Variants in ASAP1 observed in about 807,000 individuals in gnomAD.
The protein encoded by ASAP1 is arf-GAP with SH3 domain, ANK repeat and PH domain-containing protein 1.
In ASAP1, 43 loss-of-function variants were observed where a neutral mutation model predicts 145.2. The observed-to-expected ratio is 0.30, with a 90% CI of 0.23 to 0.38. The LOEUF (loss-of-function observed/expected upper bound fraction) is 0.38, where lower values mean the gene tolerates loss of function less well. ASAP1 is among the 10% of genes least tolerant of loss of function. ASAP1 has a pLI of 1.00. For synonymous variants in ASAP1, 546 were observed against 515.5 expected (o/e 1.06, Z -0.80); for missense variants, 1,018 against 1,355.3 (o/e 0.75, Z 3.91).
intron 3 of ASAP1, among the ~76,000 whole-genome samples, chr8:130,275,862 G>A (rs2670885): frequency 0.31 from 47,492 of 151,994 alleles, 7,533 homozygotes; most frequent in African/African-American, 0.33. Context: ...CATTCCTCAC[G>A]GAGAACAACA....
chr8:130,261,683 C>T (rs1819907748), intron 3 of ASAP1, among the ~76,000 whole-genome samples: 1 of 152,092 alleles, frequency 6.6e-6, no homozygotes, highest in South Asian at 2.1e-4. Flanking sequence ...ATATAGTCAA[C>T]AGAGAGTAAG....
At position 130,408,299 on chromosome 8, in the gene ASAP1, A is replaced by T. The variant is rs944925477; in HGVS notation, c.-27-6329T>A. On this transcript the variant is annotated intron_variant, in intron 1 of 29. Coordinates refer to ENST00000518721, the MANE Select transcript of ASAP1 (RefSeq NM_018482.4). ...AAGAGATTAGCCTTTGAATCAGGAG[A>T]CTGAGTAAGGAAGAGTACCCTTCCC... Among the ~76,000 whole-genome samples the T allele has an allele frequency of 2.6e-5, 4 of 152,210 alleles. No individual in the cohort carries two copies. In the East Asian group the frequency reaches 7.7e-4, roughly 29 times the overall value.
At chr8:130,374,130 C>T (rs1827365147) in intron 2 of ASAP1, among the ~76,000 whole-genome samples, 1 of 148,608 alleles carries the variant, frequency 6.7e-6, no homozygotes. Context: ...CTACTATTTA[C>T]AGATTGCATG....
chr8:130,243,762 T>C (rs1176852867), intron 3 of ASAP1, among the ~76,000 whole-genome samples: 2 of 152,176 alleles, frequency 1.3e-5, no homozygotes, highest in African/African-American at 2.4e-5. Context: ...TCAGGTCAAA[T>C]GCCATCTCAC....
intron 3 of ASAP1, among the ~76,000 whole-genome samples, chr8:130,281,721 C>T (rs1397035592): frequency 1.3e-5 from 2 of 152,214 alleles, no homozygotes; most frequent in Non-Finnish European, 2.9e-5. Flanking sequence ...CTCTAAGAAA[C>T]TCTGCATCTT....
chr8:130,391,471 T>C (rs34721219), intron 2 of ASAP1, among the ~76,000 whole-genome samples: 9,513 of 152,322 alleles, frequency 0.062, 297 homozygotes, highest in Middle Eastern at 0.12. Flanking sequence ...ATTAAAATAT[T>C]TTAAAATAAA....
intron 23 of ASAP1, among the ~76,000 whole-genome samples, chr8:130,114,190 G>C (rs2097551107): frequency 6.6e-6 from 1 of 152,152 alleles, no homozygotes; most frequent in Non-Finnish European, 1.5e-5. Context: ...TGAGAAATGT[G>C]TTAGGTGATT....
chr8:130,303,792 T>A (rs1336998525), intron 3 of ASAP1, among the ~76,000 whole-genome samples: 3 of 152,066 alleles, frequency 2.0e-5, no homozygotes, highest in Admixed American at 6.6e-5. Context: ...GACGACTAGG[T>A]GGACCACAGG....
intron 3 of ASAP1, among the ~76,000 whole-genome samples, chr8:130,303,714 A>G (rs988447457): frequency 1.3e-5 from 2 of 152,210 alleles, no homozygotes; most frequent in Non-Finnish European, 2.9e-5. Context: ...GACATTCTGA[A>G]AAAGGCAAAA....
At chr8:130,282,761 A>G (rs1166282539) in intron 3 of ASAP1, among the ~76,000 whole-genome samples, 2 of 152,218 alleles carry the variant, frequency 1.3e-5, no homozygotes, top group Admixed American at 6.5e-5. Context: ...TTTGAAATAG[A>G]GTGTGGTGGG....
chr8:130,281,001 C>T (rs558929966), intron 3 of ASAP1, among the ~76,000 whole-genome samples: 3 of 152,200 alleles, frequency 2.0e-5, no homozygotes, highest in African/African-American at 7.2e-5. Flanking sequence ...AACCAACATG[C>T]TGTTTTTCCA....
intron 2 of ASAP1, among the ~76,000 whole-genome samples, chr8:130,365,721 AC>A (rs887316876): frequency 1.3e-5 from 2 of 152,140 alleles, no homozygotes; most frequent in African/African-American, 4.8e-5. Context: ...CTAGACTGTG[AC>A]CTACCTAAGA....
intron 28 of ASAP1, among the ~76,000 whole-genome samples, chr8:130,059,042 G>A (rs1004509096): frequency 2.0e-5 from 3 of 152,184 alleles, no homozygotes; most frequent in Admixed American, 2.0e-4. Flanking sequence ...GGAGTCATGG[G>A]AGAGTTCCCT....
At chr8:130,074,329 T>C (rs116188177) in intron 27 of ASAP1, among the ~76,000 whole-genome samples, 1,741 of 152,112 alleles carry the variant, frequency 0.011, 32 homozygotes, top group African/African-American at 0.04. Context: ...AACTGTTAAG[T>C]GCTGGAATGG....
chr8:130,203,503 G>A (rs1816002449), intron 5 of ASAP1, among the ~76,000 whole-genome samples: 1 of 152,230 alleles, frequency 6.6e-6, no homozygotes, highest in Non-Finnish European at 1.5e-5. Context: ...CCTTGTCTGA[G>A]GGCCATGGTA....
At chr8:130,374,391 T>C (rs993035619) in intron 2 of ASAP1, among the ~76,000 whole-genome samples, 3 of 152,220 alleles carry the variant, frequency 2.0e-5, no homozygotes, top group Non-Finnish European at 4.4e-5. Context: ...AGGATAGGGC[T>C]GGGACCAGTG....
intron 27 of ASAP1, among the ~76,000 whole-genome samples, chr8:130,070,143 T>TCAGCCTCAGC (rs761192859): frequency 0.021 from 3,202 of 152,206 alleles, 31 homozygotes; most frequent in Middle Eastern, 0.041. Context: ...TTCACGCCAT[T>TCAGCCTCAGC]CTCCTGCCTC....
At chr8:130,384,272 G>C (rs568916799) in intron 2 of ASAP1, among the ~76,000 whole-genome samples, 1 of 152,180 alleles carries the variant, frequency 6.6e-6, no homozygotes, top group Non-Finnish European at 1.5e-5. Context: ...TCCACCATGA[G>C]AGAGACCTGC....
chr8:130,152,535 A>T, intron 13 of ASAP1: 1 of 392,610 alleles, frequency 2.5e-6, no homozygotes, highest in Non-Finnish European at 4.5e-6. Context: ...GAGCAAAAAA[A>T]CAAGTTTCTA....
Sources: gnomAD v4.1 joint callset for allele counts (sites outside exome capture counted in the v4.1 genomes callset) on GRCh38, gnomAD v4.1.1 for gene constraint, MANE v1.5 for transcripts, NCBI Gene and HGNC (gene_info 2026-07-23, HGNC 2026-07-21) for gene names.